TTC39C: variants seen among roughly 807,000 people sequenced by gnomAD.
TTC39C encodes the protein tetratricopeptide repeat protein 39C.
Under a neutral mutation model 76.3 loss-of-function variants are expected in TTC39C, and 33 were observed. That is an observed-to-expected ratio of 0.43 (90% CI 0.33 to 0.58). The LOEUF is 0.58. Among genes scored for constraint, TTC39C ranks in the 20% least tolerant of loss-of-function variants. TTC39C has a pLI of 0.04. For synonymous variants in TTC39C, 254 were observed against 260.6 expected (o/e 0.97, Z 0.24); for missense variants, 595 against 701.4 (o/e 0.85, Z 1.71).
intron 6 of TTC39C, among the ~76,000 whole-genome samples, chr18:24,110,573 C>T (rs1176688574): frequency 6.6e-6 from 1 of 152,136 alleles, no homozygotes; most frequent in Non-Finnish European, 1.5e-5. Flanking sequence ...CCAGAGTTTT[C>T]CCACATACCG....
intron 7 of TTC39C, among the ~76,000 whole-genome samples, chr18:24,115,441 T>C (rs2084878737): frequency 6.6e-6 from 1 of 152,212 alleles, no homozygotes; most frequent in East Asian, 1.9e-4. Context: ...CTCAGACTTT[T>C]CAGAGTTTCA....
At chr18:24,041,872 A>G (rs575758022) in intron 1 of TTC39C, among the ~76,000 whole-genome samples, 3 of 152,314 alleles carry the variant, frequency 2.0e-5, no homozygotes, top group African/African-American at 7.2e-5. Context: ...TTACAGATAC[A>G]GTTAAACTTC....
intron 4 of TTC39C, 61 bp downstream of exon 4, chr18:24,069,332 CT>C: frequency 1.4e-6 from 2 of 1,398,498 alleles, no homozygotes; most frequent in Non-Finnish European, 2.0e-6. Flanking sequence ...TAGTAATATG[CT>C]TTTTTAAGAA....
intron 8 of TTC39C, among the ~76,000 whole-genome samples, chr18:24,122,604 A>G (rs530022153): frequency 3.9e-5 from 6 of 152,120 alleles, no homozygotes; most frequent in Non-Finnish European, 7.4e-5. Flanking sequence ...TTGAATAGAA[A>G]TGGATTCCGC....
intron 6 of TTC39C, among the ~76,000 whole-genome samples, chr18:24,092,642 A>G (rs1182362600): frequency 2.6e-5 from 4 of 152,230 alleles, no homozygotes; most frequent in Admixed American, 6.5e-5. Context: ...ACCATATACT[A>G]TATGATTCCA....
At chr18:24,039,176 C>T (rs954369751) in intron 1 of TTC39C, among the ~76,000 whole-genome samples, 4 of 152,126 alleles carry the variant, frequency 2.6e-5, no homozygotes, top group Non-Finnish European at 4.4e-5. Flanking sequence ...AACTGCAACT[C>T]GAAATAATTA....
intron 1 of TTC39C, among the ~76,000 whole-genome samples, chr18:24,022,048 T>A (rs936844323): frequency 6.6e-6 from 1 of 152,182 alleles, no homozygotes; most frequent in African/African-American, 2.4e-5. Flanking sequence ...TTAGGTGACT[T>A]TTTTTTCTTG....
upstream of TTC39C, among the ~76,000 whole-genome samples, chr18:24,012,701 T>TA (rs1203537174): frequency 6.6e-6 from 1 of 152,062 alleles, no homozygotes. Flanking sequence ...GTTCCACAGA[T>TA]CCAAAGTTCC....
At chr18:24,131,208 CA>C (rs35276530) in intron 12 of TTC39C, among the ~76,000 whole-genome samples, 17,707 of 119,358 alleles carry the variant, frequency 0.15, 1,170 homozygotes, top group Middle Eastern at 0.29. Context: ...GACCCTGTCT[CA>C]AAAAAAAAAA....
In TTC39C at chr18:24,123,927, A is replaced by C; in HGVS notation, c.1280A>C (p.Gln427Pro). ...LFKRKNNQIE[Q>P]FSVKKAERFR... ...AAAAGGAAAAACAATCAGATTGAAC[A>C]GTTCTCGGTGAAAAAGGTATGTTGG... Residue 427 changes from glutamine (Q) to proline (P), a missense_variant, in exon 9 of 14, where the codon CAG becomes CCG. Transcript: ENST00000317571. 2.5e-6 allele frequency: 4 copies of C among 1,609,864 alleles called. No individual in the cohort carries two copies. Among genetic ancestry groups the C allele is most frequent in the Non-Finnish European group, 3.4e-6 (4 of 1,178,572 alleles).
chr18:24,008,562 G>A (rs181924531), intron 1 of TTC39C, among the ~76,000 whole-genome samples: 1 of 152,324 alleles, frequency 6.6e-6, no homozygotes, highest in African/African-American at 2.4e-5. Context: ...ATAGAAATTA[G>A]TCATAGTGCC....
upstream of TTC39C, among the ~76,000 whole-genome samples, chr18:24,012,727 C>A (rs1172384806): frequency 6.6e-6 from 1 of 152,064 alleles, no homozygotes; most frequent in African/African-American, 2.4e-5. Context: ...CCTGTAAGTG[C>A]ATGTTGTCAG....
At chr18:24,023,994 A>C (rs1468158379) in intron 1 of TTC39C, among the ~76,000 whole-genome samples, 72 of 4,030 alleles carry the variant, frequency 0.018, 8 homozygotes, top group South Asian at 0.035. Context: ...ATATATATAT[A>C]TATATATATA....
chr18:24,053,606 A>G (rs1748811075), intron 1 of TTC39C, among the ~76,000 whole-genome samples: 1 of 152,236 alleles, frequency 6.6e-6, no homozygotes, highest in African/African-American at 2.4e-5. Flanking sequence ...AACATAGCTC[A>G]TTGCAGAAGC....
intron 6 of TTC39C, among the ~76,000 whole-genome samples, chr18:24,103,656 T>A (rs2084707124): frequency 6.6e-6 from 1 of 152,100 alleles, no homozygotes; most frequent in Admixed American, 6.6e-5. Flanking sequence ...CTATATGGAG[T>A]TTTATTAATG....
At chr18:24,063,846 C>T (rs991167512) in intron 1 of TTC39C, among the ~76,000 whole-genome samples, 1 of 152,132 alleles carries the variant, frequency 6.6e-6, no homozygotes, top group African/African-American at 2.4e-5. Flanking sequence ...ACTGTGTCAA[C>T]TCTTTAACAG....
In TTC39C at chr18:24,055,384, C is replaced by T. The variant is rs531017766; in HGVS notation, c.168-8756C>T. Among the ~76,000 whole-genome samples the T allele has an allele frequency of 2.0e-5, 3 of 151,872 alleles. No homozygotes were observed. In the South Asian group the frequency reaches 6.2e-4, roughly 31 times the overall value. On this transcript the variant is annotated intron_variant, in intron 1 of 13. Coordinates refer to ENST00000317571, the MANE Select transcript of TTC39C (RefSeq NM_001135993.2). ...GCAAAGGTTCCAGTTTCTCCACATC[C>T]TTTCTAACACTTATTTTGTTTTATT...
chr18:24,104,688 TTGTGTG>T (rs10661950), intron 6 of TTC39C, among the ~76,000 whole-genome samples: 165 of 144,838 alleles, frequency 1.1e-3, no homozygotes, highest in African/African-American at 3.5e-3. Context: ...AGCAGGGTGT[TTGTGTG>T]TGTGTGTGTG....
chr18:24,021,927 G>C (rs1372093555), intron 1 of TTC39C, among the ~76,000 whole-genome samples: 1 of 152,204 alleles, frequency 6.6e-6, no homozygotes, highest in African/African-American at 2.4e-5. Flanking sequence ...TGAGAGGCAG[G>C]TCTTTCCTTC....
Sources: gnomAD v4.1 joint callset for allele counts (sites outside exome capture counted in the v4.1 genomes callset) on GRCh38, gnomAD v4.1.1 for gene constraint, MANE v1.5 for transcripts, NCBI Gene and HGNC (gene_info 2026-07-23, HGNC 2026-07-21) for gene names.